ARHGAP6: variants seen among roughly 807,000 people sequenced by gnomAD.
The protein encoded by ARHGAP6 is rho GTPase-activating protein 6.
A neutral mutation model predicts 55.7 loss-of-function variants in ARHGAP6; 16 were observed. The ratio of observed to expected loss-of-function variants is 0.29; its 90% CI spans 0.19 to 0.44. ARHGAP6 has a LOEUF of 0.44. Among genes scored for constraint, ARHGAP6 ranks in the 20% least tolerant of loss-of-function variants. The pLI is 1.00. For synonymous variants in ARHGAP6, 382 were observed against 360.9 expected, an observed-to-expected ratio of 1.06 and a Z score of -0.66; for missense variants, 698 against 808.9, an observed-to-expected ratio of 0.86 and a Z score of 1.66.
chrX:11,444,284 A>G (rs917658404), intron 1 of ARHGAP6, among the ~76,000 whole-genome samples: 1 of 112,586 alleles, frequency 8.9e-6, no homozygotes, highest in Admixed American at 9.4e-5. Flanking sequence ...GGCTGAATTT[A>G]GTCCACAGGC....
chrX:11,247,595 G>A (rs2047370497), intron 2 of ARHGAP6, among the ~76,000 whole-genome samples: 1 of 112,112 alleles, frequency 8.9e-6, no homozygotes, highest in South Asian at 3.7e-4. Context: ...GCATGGCTGT[G>A]TTTCAGTAAG....
chrX:11,156,772 C>T (rs2045870472), intron 9 of ARHGAP6, 146 bp from the exon 10 acceptor site: 3 of 451,173 alleles, frequency 6.6e-6, no homozygotes, highest in Non-Finnish European at 1.1e-5. Context: ...CAAACCTACG[C>T]CAACCCATGC....
intron 1 of ARHGAP6, among the ~76,000 whole-genome samples, chrX:11,594,347 A>G (rs773767190): frequency 8.9e-6 from 1 of 112,438 alleles, no homozygotes; most frequent in Non-Finnish European, 1.9e-5. Context: ...CAATGCTTAC[A>G]TTATATAATA....
At chrX:11,254,522 C>T (rs374859718) in intron 2 of ARHGAP6, 26 bp downstream of exon 2, 107 of 1,198,303 alleles carry the variant, frequency 8.9e-5, no homozygotes, top group African/African-American at 2.3e-4. Context: ...CAGTGTTCCC[C>T]GGCAGAAAGG....
intron 1 of ARHGAP6, among the ~76,000 whole-genome samples, chrX:11,525,160 AT>A (rs1237615276): frequency 2.7e-5 from 3 of 111,753 alleles, no homozygotes; most frequent in African/African-American, 9.7e-5. Context: ...GGACCCCTGC[AT>A]TGTAAGATGT....
chrX:11,441,077 C>T (rs2050034613), intron 1 of ARHGAP6, among the ~76,000 whole-genome samples: 1 of 111,514 alleles, frequency 9.0e-6, no homozygotes. Flanking sequence ...AAAGGACAGT[C>T]CACAGGAAAT....
intron 1 of ARHGAP6, among the ~76,000 whole-genome samples, chrX:11,578,539 G>A (rs2051628656): frequency 8.9e-6 from 1 of 111,922 alleles, no homozygotes; most frequent in East Asian, 2.8e-4. Flanking sequence ...AATAGGTGCT[G>A]GAGAGGATGT....
intron 1 of ARHGAP6, among the ~76,000 whole-genome samples, chrX:11,488,678 C>T (rs927910081): frequency 5.4e-5 from 6 of 110,666 alleles, no homozygotes; most frequent in Admixed American, 9.6e-5. Context: ...GTCAGATCAG[C>T]GGCTGCATGA....
chrX:11,144,727 C>A (rs1024867300), intron 10 of ARHGAP6, among the ~76,000 whole-genome samples: 2 of 112,648 alleles, frequency 1.8e-5, no homozygotes, highest in African/African-American at 6.5e-5. Flanking sequence ...TTCTGGACAA[C>A]TTTTCCATCC....
At position 11,490,653 on chromosome X, in the gene ARHGAP6, T is replaced by G. The variant is rs142518623; in HGVS notation, c.588+173588A>C. 5.6e-3 allele frequency among the ~76,000 whole-genome samples: 628 copies of G among 112,303 alleles called. 3 individuals are homozygous for G. The highest frequency in any genetic ancestry group is 0.019 in the African/African-American group (598 of 30,921). On this transcript the variant is annotated intron_variant, in intron 1 of 12. Coordinates refer to ENST00000337414, the MANE Select transcript of ARHGAP6 (RefSeq NM_013427.3). ...ATGGTGTCCCAGATGGTGCTGTGAT[T>G]TCAAACTGCAATTCGTTTCCAGGTC...
At chrX:11,589,828 C>A (rs1157790624) in intron 1 of ARHGAP6, among the ~76,000 whole-genome samples, 1 of 111,910 alleles carries the variant, frequency 8.9e-6, no homozygotes, top group Non-Finnish European at 1.9e-5. Flanking sequence ...CCCCAGTCCC[C>A]CTTCATCTGT....
chrX:11,162,286 A>G (rs2045958501), intron 9 of ARHGAP6, among the ~76,000 whole-genome samples: 1 of 108,587 alleles, frequency 9.2e-6, no homozygotes, highest in Non-Finnish European at 1.9e-5. Context: ...TGAAGATGGC[A>G]GAGCAGAGAG....
chrX:11,503,925 G>A (rs2050705775), intron 1 of ARHGAP6, among the ~76,000 whole-genome samples: 1 of 110,958 alleles, frequency 9.0e-6, no homozygotes, highest in Non-Finnish European at 1.9e-5. Context: ...TTGCAAAACC[G>A]TGGTTGAAAA....
intron 1 of ARHGAP6, among the ~76,000 whole-genome samples, chrX:11,651,916 G>C (rs911759406): frequency 8.9e-6 from 1 of 112,199 alleles, no homozygotes; most frequent in Admixed American, 9.4e-5. Flanking sequence ...TCATAGGATT[G>C]TTGGCCACAT....
At chrX:11,327,122 A>C (rs1036725201) in intron 1 of ARHGAP6, among the ~76,000 whole-genome samples, 2 of 112,180 alleles carry the variant, frequency 1.8e-5, no homozygotes, top group Non-Finnish European at 1.9e-5. Flanking sequence ...AGGAAAAAAA[A>C]GTTTCCTATG....
intron 1 of ARHGAP6, among the ~76,000 whole-genome samples, chrX:11,486,981 C>T (rs1396826205): frequency 2.7e-5 from 3 of 110,626 alleles, no homozygotes; most frequent in Non-Finnish European, 3.8e-5. Context: ...AGATTGGGTA[C>T]ATATGGGGGT....
At chrX:11,394,084 A>G (rs2049445765) in intron 1 of ARHGAP6, among the ~76,000 whole-genome samples, 1 of 111,683 alleles carries the variant, frequency 9.0e-6, no homozygotes, top group African/African-American at 3.3e-5. Context: ...GTAGAATGCA[A>G]TGGGGCTACC....
chrX:11,421,501 C>T (rs371007422), intron 1 of ARHGAP6, among the ~76,000 whole-genome samples: 4 of 111,578 alleles, frequency 3.6e-5, no homozygotes, highest in Admixed American at 9.4e-5. Flanking sequence ...ATATGGATAC[C>T]GAGGGACATA....
At chrX:11,211,472 C>T (rs1044441199) in intron 2 of ARHGAP6, among the ~76,000 whole-genome samples, 4 of 110,950 alleles carry the variant, frequency 3.6e-5, no homozygotes, top group East Asian at 2.8e-4. Flanking sequence ...CCTCGTGATC[C>T]GCCCTCCTTG....
Sources: gnomAD v4.1 joint callset for allele counts (sites outside exome capture counted in the v4.1 genomes callset) on GRCh38, gnomAD v4.1.1 for gene constraint, MANE v1.5 for transcripts, NCBI Gene and HGNC (gene_info 2026-07-23, HGNC 2026-07-21) for gene names.